Variants in KCNQ1 observed in about 807,000 individuals in gnomAD.
KCNQ1 encodes potassium voltage-gated channel subfamily KQT member 1.
Under a neutral mutation model 72.4 loss-of-function variants are expected in KCNQ1, and 49 were observed. That is an observed-to-expected ratio of 0.68 (90% CI 0.54 to 0.86). The LOEUF is 0.86. Among genes scored for constraint, KCNQ1 ranks in the 40% least tolerant of loss-of-function variants. KCNQ1 has a pLI of 0.00. For synonymous variants in KCNQ1, 450 were observed against 412.6 expected, an observed-to-expected ratio of 1.09 and a Z score of -1.10; for missense variants, 790 against 945.1, an observed-to-expected ratio of 0.84 and a Z score of 2.15.
intron 1 of KCNQ1, among the ~76,000 whole-genome samples, chr11:2,449,941 G>A (rs1335632020): frequency 1.3e-5 from 2 of 152,088 alleles, no homozygotes; most frequent in Non-Finnish European, 2.9e-5. Flanking sequence ...TGACGCAGGG[G>A]TCCTGATGCA....
chr11:2,745,885 T>C lies in KCNQ1; in HGVS notation c.1515-22959T>C, dbSNP rs1386530122. Among the ~76,000 whole-genome samples the C allele has an allele frequency of 3.3e-5, 5 of 152,194 alleles. No homozygotes were observed. Among genetic ancestry groups the C allele is most frequent in the African/African-American group, 1.2e-4 (5 of 41,456 alleles). ...TTCTCCCTCACTACTATTTGGTTTTTGTTTTGTTTTGTTTTGTTTTTTGAG... is the reference window on the plus strand; with the variant it reads ...TTCTCCCTCACTACTATTTGGTTTTCGTTTTGTTTTGTTTTGTTTTTTGAG... On this transcript the variant is annotated intron_variant, in intron 11 of 15. Coordinates refer to ENST00000155840, the MANE Select transcript of KCNQ1 (RefSeq NM_000218.3). The surrounding 1 kb of genome is among the most constrained non-coding windows in gnomAD (Gnocchi z 6.2).
chr11:2,807,472 A>G lies in KCNQ1; in HGVS notation c.1794+29435A>G, dbSNP rs369120180. On this transcript the variant is annotated intron_variant, in intron 15 of 15. Coordinates refer to ENST00000155840, the MANE Select transcript of KCNQ1 (RefSeq NM_000218.3). ...GCCCCCCCACTCCGGGCCCGGGGCC[A>G]GCGCGATGTCATGAGGTAACTGAAC... Among the ~76,000 whole-genome samples the G allele has an allele frequency of 1.7e-4, 26 of 152,282 alleles. No homozygotes were observed. In the East Asian group the frequency reaches 4.1e-3, roughly 24 times the overall value.
intron 11 of KCNQ1, among the ~76,000 whole-genome samples, chr11:2,731,351 G>A (rs543980220): frequency 3.3e-5 from 5 of 152,230 alleles, no homozygotes; most frequent in Non-Finnish European, 7.3e-5. Flanking sequence ...CAGTCGGCAT[G>A]CCAGACCCCT....
At position 2,691,440 on chromosome 11, in the gene KCNQ1, C is replaced by G. The variant is rs904014661; in HGVS notation, c.1514+29359C>G. The G allele has an allele frequency of 4.3e-5, 17 of 398,510 alleles. No homozygotes were observed. Among genetic ancestry groups the G allele is most frequent in the Admixed American group, 8.8e-5 (2 of 22,714 alleles). 24.7% of individuals were successfully genotyped at this position (398,510 alleles called of 1,614,324 possible). A position where few individuals can be genotyped will look rare whatever the true frequency, so the allele number is the denominator to read the frequency against. On this transcript the variant is annotated intron_variant, in intron 11 of 15. Coordinates refer to ENST00000155840, the MANE Select transcript of KCNQ1 (RefSeq NM_000218.3). The surrounding 1 kb of genome is among the most constrained non-coding windows in gnomAD (Gnocchi z 6.4). ...GGGAGTCCACTGAAGCTCCCTGCCC[C>G]CACTGAGTCTCTGATGTTGACAGCC...
chr11:2,685,263 C>T (rs948967701), intron 11 of KCNQ1: 75 of 398,698 alleles, frequency 1.9e-4, no homozygotes, highest in African/African-American at 1.4e-3. Context: ...CCAGGGCACA[C>T]GTGCCACTGT....
chr11:2,621,017 T>A lies in KCNQ1; in HGVS notation c.1393+32163T>A, dbSNP rs1849162933. The A allele has an allele frequency of 1.3e-5, 5 of 396,752 alleles. No individual in the cohort carries two copies. The highest frequency in any genetic ancestry group is 2.2e-5 in the Non-Finnish European group (5 of 225,642). 24.6% of individuals were successfully genotyped at this position (396,752 alleles called of 1,614,324 possible). A position where few individuals can be genotyped will look rare whatever the true frequency, so the allele number is the denominator to read the frequency against. On this transcript the variant is annotated intron_variant, in intron 10 of 15. Transcript: ENST00000155840. This position sits in a 1 kb window ranked among gnomAD's most constrained non-coding sequence, Gnocchi z 5.7. ...TTTTGAGAAAGAGTCTTGCTCTGTC[T>A]CCCAGGCTGGAGTGCAGTGGCGCAA... is the stretch of plus-strand genomic sequence containing the variant.
chr11:2,699,100 C>T (rs1474428194), intron 11 of KCNQ1: 3 of 398,532 alleles, frequency 7.5e-6, no homozygotes, highest in African/African-American at 4.1e-5. Context: ...ATCCCAATAG[C>T]GCGGACTCAG....
chr11:2,800,090 G>C (rs892879562), intron 15 of KCNQ1, among the ~76,000 whole-genome samples: 2 of 152,224 alleles, frequency 1.3e-5, no homozygotes, highest in East Asian at 3.9e-4. Flanking sequence ...TGGGGGCTGT[G>C]AGCAGATGCA....
chr11:2,643,386 T>C (rs1272754219), intron 10 of KCNQ1: 2 of 398,344 alleles, frequency 5.0e-6, no homozygotes, highest in South Asian at 1.3e-4. Flanking sequence ...TCTTGGTCAA[T>C]TGATCCCTCT....
At position 2,713,596 on chromosome 11, in the gene KCNQ1, C is replaced by A. The variant is rs1851041744; in HGVS notation, c.1514+51515C>A. ...TGGATAGGTTTCTGTTCTCCCTCGA[C>A]CCACCCAGCAAGAGAAAAAAGTGAG... On this transcript the variant is annotated intron_variant, in intron 11 of 15. Transcript: ENST00000155840. The surrounding 1 kb of genome is among the most constrained non-coding windows in gnomAD (Gnocchi z 5.6). Among the ~76,000 whole-genome samples the A allele has an allele frequency of 2.0e-5, 3 of 152,156 alleles. No homozygotes were observed. Among genetic ancestry groups the A allele is most frequent in the Admixed American group, 2.0e-4 (3 of 15,284 alleles).
chr11:2,833,387 T>C (rs889474741), intron 15 of KCNQ1, among the ~76,000 whole-genome samples: 1 of 152,030 alleles, frequency 6.6e-6, no homozygotes, highest in African/African-American at 2.4e-5. Context: ...TCTCCCCTCA[T>C]AGGATCCCAG....
intron 15 of KCNQ1, among the ~76,000 whole-genome samples, chr11:2,778,503 G>A (rs1846755330): frequency 1.3e-5 from 2 of 152,172 alleles, no homozygotes; most frequent in Admixed American, 1.3e-4. Flanking sequence ...ATGGGTTCAT[G>A]GGAAGAGAGG....
chr11:2,643,846 G>A (rs1236760762), intron 10 of KCNQ1: 9 of 398,322 alleles, frequency 2.3e-5, no homozygotes, highest in African/African-American at 4.1e-5. Context: ...CATTTCTGAC[G>A]AATATAACTT....
chr11:2,732,922 A>T (rs1358651740), intron 11 of KCNQ1, among the ~76,000 whole-genome samples: 1 of 150,674 alleles, frequency 6.6e-6, no homozygotes, highest in African/African-American at 2.4e-5. Context: ...GGTCCCACCC[A>T]CCCTCTGGAG....
intron 15 of KCNQ1, among the ~76,000 whole-genome samples, chr11:2,823,088 G>C (rs558160663): frequency 3.3e-5 from 5 of 152,242 alleles, no homozygotes; most frequent in East Asian, 1.9e-4. Flanking sequence ...AGAGGAAATA[G>C]AGACTAAAGA....
At position 2,659,516 on chromosome 11, in the gene KCNQ1, A is replaced by T. The variant is rs1849912669; in HGVS notation, c.1394-2445A>T. ...TTTATGCATTCACCTGTTGAAGGAC[A>T]TCTTCATTGTTTCCAGTATTTGGTA... On this transcript the variant is annotated intron_variant, in intron 10 of 15. Coordinates refer to ENST00000155840, the MANE Select transcript of KCNQ1 (RefSeq NM_000218.3). The surrounding 1 kb of genome is among the most constrained non-coding windows in gnomAD (Gnocchi z 4.3). The T allele has an allele frequency of 2.5e-6, 1 of 398,594 alleles. No homozygotes were observed. Among genetic ancestry groups the T allele is most frequent in the Non-Finnish European group, 4.4e-6 (1 of 226,034 alleles). 24.7% of individuals were successfully genotyped at this position (398,594 alleles called of 1,614,324 possible). A position where few individuals can be genotyped will look rare whatever the true frequency, so the allele number is the denominator to read the frequency against.
chr11:2,669,833 T>C lies in KCNQ1; in HGVS notation c.1514+7752T>C. 1 of 398,648 alleles carries C rather than the reference T, an allele frequency of 2.5e-6. No homozygotes were observed. The highest frequency in any genetic ancestry group is 4.4e-6 in the Non-Finnish European group (1 of 226,094). The allele number at this position is 398,648 out of a possible 1,614,324, so 24.7% of individuals were successfully genotyped here. A position where few individuals can be genotyped will look rare whatever the true frequency, so the allele number is the denominator to read the frequency against. On this transcript the variant is annotated intron_variant, in intron 11 of 15. Transcript: ENST00000155840. The surrounding 1 kb of genome is among the most constrained non-coding windows in gnomAD (Gnocchi z 5.6). ...CTTTTGAGACTGCCAGGTCATGAGTTACCATGGGATACAAATGGGGTCACA... is the reference window on the plus strand; with the variant it reads ...CTTTTGAGACTGCCAGGTCATGAGTCACCATGGGATACAAATGGGGTCACA...
At position 2,491,042 on chromosome 11, in the gene KCNQ1, G is replaced by C. The variant is rs1846829511; in HGVS notation, c.387-36886G>C. Among the ~76,000 whole-genome samples, 1 of 152,182 alleles carries C rather than the reference G, an allele frequency of 6.6e-6. No homozygotes were observed. Among genetic ancestry groups the C allele is most frequent in the South Asian group, 2.1e-4 (1 of 4,830 alleles). Reference sequence around the variant, plus strand: ...TTTTTATGAGTCTGCAAGAACCACAGTGTTACTGGGCTTGGGATGCTGCCT... The same window carrying C: ...TTTTTATGAGTCTGCAAGAACCACACTGTTACTGGGCTTGGGATGCTGCCT... On this transcript the variant is annotated intron_variant, in intron 1 of 15. Coordinates refer to ENST00000155840, the MANE Select transcript of KCNQ1 (RefSeq NM_000218.3). This position sits in a 1 kb window ranked among gnomAD's most constrained non-coding sequence, Gnocchi z 4.1.
At position 2,756,034 on chromosome 11, in the gene KCNQ1, G is replaced by A. The variant is rs565582872; in HGVS notation, c.1515-12810G>A. Among the ~76,000 whole-genome samples, 138 of 152,314 alleles carry A rather than the reference G, an allele frequency of 9.1e-4. 2 individuals are homozygous for A. Among genetic ancestry groups the A allele is most frequent in the African/African-American group, 3.0e-3 (126 of 41,558 alleles). ...AAACCACAGTCTGACCATTGGGAGC[G>A]GTGGCAGGGATGTAGGGCCCAGGGT... On this transcript the variant is annotated intron_variant, in intron 11 of 15. Transcript: ENST00000155840.
Sources: allele counts gnomAD v4.1 joint callset (sites outside exome capture counted in the v4.1 genomes callset), GRCh38; gene constraint gnomAD v4.1.1; non-coding constraint Gnocchi (gnomAD v3.1); transcripts MANE v1.5; gene names NCBI Gene and HGNC (gene_info 2026-07-23, HGNC 2026-07-21).